The following CHCHD6 variants were observed in gnomAD, a reference collection of about 807,000 sequenced individuals.
The protein encoded by CHCHD6 is MICOS complex subunit MIC25.
A neutral mutation model predicts 32.3 loss-of-function variants in CHCHD6; 28 were observed. That is an observed-to-expected ratio of 0.87 (90% CI 0.64 to 1.19). The LOEUF (loss-of-function observed/expected upper bound fraction) is 1.19, where lower values mean the gene tolerates loss of function less well. Among genes scored for constraint, CHCHD6 ranks in the 50% most tolerant of loss-of-function variants. The pLI is 0.00. For synonymous variants in CHCHD6, 122 were observed against 117.5 expected, an observed-to-expected ratio of 1.04 and a Z score of -0.25; for missense variants, 333 against 307.0, an observed-to-expected ratio of 1.08 and a Z score of -0.63.
chr3:126,928,027 G>A (rs1258716053), intron 6 of CHCHD6, among the ~76,000 whole-genome samples: 1 of 152,218 alleles, frequency 6.6e-6, no homozygotes, highest in Non-Finnish European at 1.5e-5. Context: ...TGCCCTGGGG[G>A]CAGGGGTAGG....
chr3:126,791,062 G>A (rs538944030), intron 4 of CHCHD6, among the ~76,000 whole-genome samples: 2 of 152,210 alleles, frequency 1.3e-5, no homozygotes, highest in Non-Finnish European at 2.9e-5. Context: ...TCAGCTGCAG[G>A]TCTGTTGGAG....
chr3:126,733,741 G>C (rs1935917029), intron 4 of CHCHD6, among the ~76,000 whole-genome samples: 1 of 152,212 alleles, frequency 6.6e-6, no homozygotes, highest in African/African-American at 2.4e-5. Flanking sequence ...ATTTGTCCAG[G>C]ACTTAGCACA....
At chr3:126,783,791 T>C (rs1334170042) in intron 4 of CHCHD6, among the ~76,000 whole-genome samples, 4 of 151,434 alleles carry the variant, frequency 2.6e-5, no homozygotes, top group Non-Finnish European at 5.9e-5. Flanking sequence ...TAGAGGGCTG[T>C]GTGAGAGGTG....
chr3:126,860,285 A>C (rs1941812322), intron 5 of CHCHD6, among the ~76,000 whole-genome samples: 1 of 152,192 alleles, frequency 6.6e-6, no homozygotes, highest in East Asian at 1.9e-4. Flanking sequence ...CATGGGGAGC[A>C]CTCTTTAACC....
chr3:126,716,276 T>A (rs577442396), intron 1 of CHCHD6, among the ~76,000 whole-genome samples: 1 of 152,304 alleles, frequency 6.6e-6, no homozygotes, highest in African/African-American at 2.4e-5. Context: ...TCCTTGGAGC[T>A]CCCTCCCTTC....
At chr3:126,769,725 T>G (rs1937510234) in intron 4 of CHCHD6, among the ~76,000 whole-genome samples, 1 of 152,154 alleles carries the variant, frequency 6.6e-6, no homozygotes, top group South Asian at 2.1e-4. Context: ...AGGCTAGTCT[T>G]GAACTCCTGA....
Position 126,704,247 on chromosome 3 carries a change from T to C in CHCHD6, c.-66T>C. On this transcript the variant is annotated 5_prime_UTR_variant, in exon 1 of 8. Transcript: ENST00000290913. ...CGGCCGCGCGAGTCCTGGAAAGCGT[T>C]GTTGGCCCGGTTGCTCTGGAGCCGG... 1 of 1,336,984 alleles carries C rather than the reference T, an allele frequency of 7.5e-7. No individual in the cohort carries two copies. Among genetic ancestry groups the C allele is most frequent in the Non-Finnish European group, 1.1e-6 (1 of 945,256 alleles). 82.8% of individuals were successfully genotyped at this position (1,336,984 alleles called of 1,614,324 possible).
At chr3:126,939,190 G>A (rs1453480424) in intron 6 of CHCHD6, among the ~76,000 whole-genome samples, 1 of 152,134 alleles carries the variant, frequency 6.6e-6, no homozygotes, top group Non-Finnish European at 1.5e-5. Flanking sequence ...GGGGTGTGGC[G>A]AGGGAACACA....
At chr3:126,777,663 G>GT (rs777967039) in intron 4 of CHCHD6, among the ~76,000 whole-genome samples, 4 of 152,192 alleles carry the variant, frequency 2.6e-5, no homozygotes, top group African/African-American at 4.8e-5. Flanking sequence ...TGGCAGCCCT[G>GT]TAGCAGGCAC....
chr3:126,920,709 G>C lies in CHCHD6; in HGVS notation c.566+5959G>C, dbSNP rs1184725459. 3.3e-5 allele frequency among the ~76,000 whole-genome samples: 5 copies of C among 152,276 alleles called. No homozygotes were observed. In the East Asian group the frequency reaches 9.7e-4, roughly 29 times the overall value. On this transcript the variant is annotated intron_variant, in intron 6 of 7. Transcript: ENST00000290913. The stretch of plus-strand genomic sequence containing the variant: ...CTAGCTGCCCAGGCAGCCTCCACAG[G>C]AGCGTTGCCTCCCTATCATCCTGTG...
intron 5 of CHCHD6, among the ~76,000 whole-genome samples, chr3:126,855,717 C>T (rs1941644165): frequency 1.3e-5 from 2 of 152,242 alleles, no homozygotes; most frequent in South Asian, 4.2e-4. Context: ...GACAGTGTCA[C>T]AGAACAAGGC....
intron 4 of CHCHD6, among the ~76,000 whole-genome samples, chr3:126,836,220 C>T (rs1006213952): frequency 6.6e-6 from 1 of 152,388 alleles, no homozygotes. Flanking sequence ...CTCACCACTC[C>T]CCTACTCCAT....
At chr3:126,942,450 T>C (rs1271925185) in intron 6 of CHCHD6, among the ~76,000 whole-genome samples, 1 of 152,220 alleles carries the variant, frequency 6.6e-6, no homozygotes, top group East Asian at 1.9e-4. Context: ...AGGAGGAGTT[T>C]CCCCTTCTCT....
chr3:126,906,641 A>C (rs1450508895), intron 5 of CHCHD6, among the ~76,000 whole-genome samples: 2 of 152,178 alleles, frequency 1.3e-5, no homozygotes, highest in Non-Finnish European at 2.9e-5. Context: ...AGCCTTCCCT[A>C]GCCAGTCATT....
At chr3:126,798,690 C>G (rs2107689513) in intron 4 of CHCHD6, among the ~76,000 whole-genome samples, 1 of 152,288 alleles carries the variant, frequency 6.6e-6, no homozygotes, top group African/African-American at 2.4e-5. Context: ...CCTTCTTGCC[C>G]TCCTGGACTC....
At chr3:126,794,433 C>T (rs895230513) in intron 4 of CHCHD6, among the ~76,000 whole-genome samples, 2 of 148,246 alleles carry the variant, frequency 1.3e-5, no homozygotes, top group African/African-American at 4.9e-5. Context: ...TATATATATA[C>T]ATATATGTTT....
At chr3:126,707,187 A>C (rs190381690) in intron 1 of CHCHD6, among the ~76,000 whole-genome samples, 4 of 151,636 alleles carry the variant, frequency 2.6e-5, no homozygotes, top group Non-Finnish European at 1.5e-5. Context: ...GAATCCTTGA[A>C]CCCAGGAGGG....
At chr3:126,813,615 A>G (rs1939753013) in intron 4 of CHCHD6, among the ~76,000 whole-genome samples, 1 of 152,228 alleles carries the variant, frequency 6.6e-6, no homozygotes, top group African/African-American at 2.4e-5. Flanking sequence ...GAAGAAACTC[A>G]ACAATGAGCA....
intron 6 of CHCHD6, among the ~76,000 whole-genome samples, chr3:126,930,979 A>C (rs899461985): frequency 1.3e-5 from 2 of 152,156 alleles, no homozygotes; most frequent in African/African-American, 4.8e-5. Context: ...CCCAGCCTGG[A>C]GTGTCTACAG....
Sources: allele counts gnomAD v4.1 joint callset (sites outside exome capture counted in the v4.1 genomes callset), GRCh38; gene constraint gnomAD v4.1.1; transcripts MANE v1.5; gene names NCBI Gene and HGNC (gene_info 2026-07-23, HGNC 2026-07-21).